Variants in ANKRD44 observed in about 807,000 individuals in gnomAD.
The protein encoded by ANKRD44 is serine/threonine-protein phosphatase 6 regulatory ankyrin repeat subunit B.
ANKRD44 carries 35 observed loss-of-function variants against 116.0 expected under a neutral mutation model. That is an observed-to-expected ratio of 0.30 (90% CI 0.23 to 0.40). The LOEUF (loss-of-function observed/expected upper bound fraction) is 0.40. Ranked by LOEUF, ANKRD44 falls within the 10% of genes least tolerant of loss-of-function variation. ANKRD44 has a pLI of 1.00. For missense variants in ANKRD44, 1,014 were observed against 1,242.6 expected, an observed-to-expected ratio of 0.82 and a Z score of 2.77; for synonymous variants, 435 against 461.8, an observed-to-expected ratio of 0.94 and a Z score of 0.74.
chr2:197,279,150 T>A (rs2083191810), intron 1 of ANKRD44, among the ~76,000 whole-genome samples: 1 of 152,172 alleles, frequency 6.6e-6, no homozygotes, highest in African/African-American at 2.4e-5. Context: ...AGTCCACATT[T>A]CAAAGACTGA....
rs1367861360 is a variant in ANKRD44 at position 196,989,377 on chromosome 2, T to C, written c.*214A>G. The stretch of plus-strand genomic sequence containing the variant: ...AAATATAAAATACAACAAAGACTGG[T>C]ACACAGAAAGATTACATTTAACTCC... On this transcript the variant is annotated 3_prime_UTR_variant, in exon 28 of 28. Coordinates refer to ENST00000282272, the MANE Select transcript of ANKRD44 (RefSeq NM_001195144.2). 2 of 1,137,110 alleles carry C rather than the reference T, an allele frequency of 1.8e-6. No individual in the cohort carries two copies. The highest frequency in any genetic ancestry group is 2.2e-6 in the Non-Finnish European group (2 of 925,972). The allele number at this position is 1,137,110 out of a possible 1,614,324, so 70.4% of individuals were successfully genotyped here. A position where few individuals can be genotyped will look rare whatever the true frequency, so the allele number is the denominator to read the frequency against.
At chr2:197,062,870 T>C (rs1446288531) in intron 16 of ANKRD44, among the ~76,000 whole-genome samples, 1 of 152,214 alleles carries the variant, frequency 6.6e-6, no homozygotes, top group Non-Finnish European at 1.5e-5. Flanking sequence ...CCTGCCTGCC[T>C]CTGTAGACTC....
At position 197,230,523 on chromosome 2, in the gene ANKRD44, A is replaced by G. The variant is rs2081833238; in HGVS notation, c.28-43417T>C. On this transcript the variant is annotated intron_variant, in intron 1 of 27. Transcript: ENST00000282272. ...AACTGCCTATGATGGGGTCTACCTA[A>G]GGTTATGCCATGTGTAGGTCACCAG... Among the ~76,000 whole-genome samples the G allele has an allele frequency of 2.0e-5, 3 of 152,192 alleles. No individual in the cohort carries two copies. In the South Asian group the frequency reaches 6.2e-4, roughly 31 times the overall value.
chr2:197,023,962 C>T (rs544577133), intron 17 of ANKRD44, among the ~76,000 whole-genome samples: 1 of 152,116 alleles, frequency 6.6e-6, no homozygotes, highest in Non-Finnish European at 1.5e-5. Context: ...TGTGTATGAG[C>T]GTGTAGTGGG....
At chr2:197,053,692 A>C (rs989718783) in intron 16 of ANKRD44, among the ~76,000 whole-genome samples, 3 of 152,206 alleles carry the variant, frequency 2.0e-5, no homozygotes, top group African/African-American at 7.2e-5. Flanking sequence ...CATGTTGGCC[A>C]GGCTGGTCAT....
Position 197,020,977 on chromosome 2 carries a change from G to A in ANKRD44, c.1722+4219C>T, listed in dbSNP as rs55737105. On this transcript the variant is annotated intron_variant, in intron 17 of 27. Transcript: ENST00000282272. ...CCCCATCCCACGACAGGCCCAGTGTGTGATGTTCCCTGCCCTGTGTCCAAG... is the reference window on the plus strand; with the variant it reads ...CCCCATCCCACGACAGGCCCAGTGTATGATGTTCCCTGCCCTGTGTCCAAG... Among the ~76,000 whole-genome samples, 901 of 152,076 alleles carry A rather than the reference G, an allele frequency of 5.9e-3. 11 individuals carry two copies. Among genetic ancestry groups the A allele is most frequent in the African/African-American group, 0.02 (837 of 41,450 alleles).
chr2:197,065,853 C>A (rs1259200651), intron 16 of ANKRD44, among the ~76,000 whole-genome samples: 1 of 152,204 alleles, frequency 6.6e-6, no homozygotes, highest in Admixed American at 6.5e-5. Flanking sequence ...TGAATTCTAC[C>A]AGAGGTACAA....
At chr2:197,076,111 G>C (rs2077660237) in intron 16 of ANKRD44, among the ~76,000 whole-genome samples, 1 of 152,146 alleles carries the variant, frequency 6.6e-6, no homozygotes, top group East Asian at 1.9e-4. Flanking sequence ...GCATAGGCTG[G>C]GATGGTGGAG....
chr2:197,258,270 C>CTTTCTT (rs1553541892), intron 1 of ANKRD44, among the ~76,000 whole-genome samples: 2 of 79,222 alleles, frequency 2.5e-5, no homozygotes, highest in African/African-American at 6.2e-5. Flanking sequence ...TTGGCTAATC[C>CTTTCTT]TTTTTTTTTT....
chr2:197,178,111 CT>C (rs2080412093), intron 2 of ANKRD44, among the ~76,000 whole-genome samples: 1 of 152,124 alleles, frequency 6.6e-6, no homozygotes, highest in Non-Finnish European at 1.5e-5. Flanking sequence ...ACAAATTACT[CT>C]CCCCAAAAAG....
chr2:197,095,874 G>A (rs919788775), intron 10 of ANKRD44, among the ~76,000 whole-genome samples: 1 of 152,144 alleles, frequency 6.6e-6, no homozygotes, highest in African/African-American at 2.4e-5. Flanking sequence ...AACATGAATG[G>A]TGTTGGTTTC....
rs1469165067 is a variant in ANKRD44, at chr2:197,235,251, T to C, written c.28-48145A>G. On this transcript the variant is annotated intron_variant, in intron 1 of 27. Transcript: ENST00000282272. ...CTAGAGTCTTCTAAAAGAGCAAAAC[T>C]ATTTTCACTTGAAATTTCCGAATTC... 2.0e-5 allele frequency among the ~76,000 whole-genome samples: 3 copies of C among 152,218 alleles called. No homozygotes were observed. In the East Asian group the frequency reaches 5.8e-4, roughly 29 times the overall value.
At chr2:197,104,990 C>T (rs953096503) in intron 9 of ANKRD44, among the ~76,000 whole-genome samples, 3 of 152,112 alleles carry the variant, frequency 2.0e-5, no homozygotes, top group Admixed American at 6.5e-5. Flanking sequence ...TAGCTGTTTA[C>T]GAAAAGGGAA....
chr2:197,292,299 A>G (rs1159640822), intron 1 of ANKRD44, among the ~76,000 whole-genome samples: 1 of 152,182 alleles, frequency 6.6e-6, no homozygotes, highest in Non-Finnish European at 1.5e-5. Context: ...CAACAGTGTA[A>G]AAGCATTCCT....
At chr2:197,069,515 T>C (rs960291366) in intron 16 of ANKRD44, among the ~76,000 whole-genome samples, 1 of 152,174 alleles carries the variant, frequency 6.6e-6, no homozygotes, top group African/African-American at 2.4e-5. Flanking sequence ...GTTGGGCATA[T>C]TTTTGTGGGT....
chr2:197,038,214 G>A (rs56214436), intron 16 of ANKRD44, among the ~76,000 whole-genome samples: 125 of 152,258 alleles, frequency 8.2e-4, no homozygotes, highest in African/African-American at 2.8e-3. Flanking sequence ...CCCTCTGGTG[G>A]AGGATGATGA....
intron 1 of ANKRD44, among the ~76,000 whole-genome samples, chr2:197,226,502 A>G (rs1420424178): frequency 6.6e-6 from 1 of 152,148 alleles, no homozygotes; most frequent in Non-Finnish European, 1.5e-5. Context: ...CATCTCTACC[A>G]AAATACAAAA....
At chr2:197,117,541 T>C (rs2078742086) in intron 8 of ANKRD44, among the ~76,000 whole-genome samples, 2 of 152,078 alleles carry the variant, frequency 1.3e-5, no homozygotes, top group Non-Finnish European at 2.9e-5. Context: ...CCTGGCCAAT[T>C]TTTGTATCTT....
intron 16 of ANKRD44, chr2:197,029,657 C>T: frequency 3.2e-6 from 1 of 315,272 alleles, no homozygotes; most frequent in Middle Eastern, 1.2e-3. Flanking sequence ...CCATTATCCT[C>T]ATTACAGGCA....
Sources: gnomAD v4.1 joint callset for allele counts (sites outside exome capture counted in the v4.1 genomes callset) on GRCh38, gnomAD v4.1.1 for gene constraint, MANE v1.5 for transcripts, NCBI Gene and HGNC (gene_info 2026-07-23, HGNC 2026-07-21) for gene names.